The following BRD7 variants were observed in gnomAD, a reference collection of about 807,000 sequenced individuals.
The protein encoded by BRD7 is bromodomain containing 7, also known as bromodomain-containing protein 7.
A neutral mutation model predicts 82.1 loss-of-function variants in BRD7; 15 were observed. That is an observed-to-expected ratio of 0.18 (90% CI 0.12 to 0.28). BRD7 has a LOEUF of 0.28. Among genes scored for constraint, BRD7 ranks in the 10% least tolerant of loss-of-function variants. BRD7 has a pLI of 1.00. For synonymous variants in BRD7, 232 were observed against 266.9 expected (o/e 0.87, Z 1.27); for missense variants, 638 against 779.9 (o/e 0.82, Z 2.17).
chr16:50,368,464 G>A (rs2039239470), intron 1 of BRD7, 166 bp from the exon 2 acceptor site: 1 of 851,160 alleles, frequency 1.2e-6, no homozygotes. Flanking sequence ...GTGCGGCGGC[G>A]CCGCCCGCCC....
chr16:50,318,323 T>C lies in BRD7; in HGVS notation c.*888A>G, dbSNP rs1229445559. The C allele has an allele frequency of 1.3e-5, 2 of 152,228 alleles. No homozygotes were observed. Among genetic ancestry groups the C allele is most frequent in the Non-Finnish European group, 2.9e-5 (2 of 68,046 alleles). 9.4% of individuals were successfully genotyped at this position (152,228 alleles called of 1,614,324 possible). A position where few individuals can be genotyped will look rare whatever the true frequency, so the allele number is the denominator to read the frequency against. The stretch of plus-strand genomic sequence containing the variant: ...TTCAAAGTCAGGAAAATAATAGAAA[T>C]CAAATGGCTTCCTGCCTGGGTGATT... On this transcript the variant is annotated 3_prime_UTR_variant, in exon 17 of 17. Coordinates refer to ENST00000394688, the MANE Select transcript of BRD7 (RefSeq NM_013263.5).
intron 5 of BRD7, among the ~76,000 whole-genome samples, chr16:50,343,223 T>C (rs879520655): frequency 5.9e-5 from 9 of 152,206 alleles, no homozygotes; most frequent in Non-Finnish European, 1.2e-4. Context: ...TAATCCCCAA[T>C]GTTGGGGGAA....
At chr16:50,349,910 G>C in intron 5 of BRD7, 113 bp downstream of exon 5, 1 of 1,047,998 alleles carries the variant, frequency 9.5e-7, no homozygotes, top group Non-Finnish European at 1.3e-6. Context: ...AAAGATACTG[G>C]ATCTTAAAAT....
In BRD7 at chr16:50,326,389, G is replaced by C; in HGVS notation, c.1090C>G (p.Pro364Ala). 1 of 1,573,962 alleles carries C rather than the reference G, an allele frequency of 6.4e-7. No homozygotes were observed. Among genetic ancestry groups the C allele is most frequent in the Non-Finnish European group, 8.7e-7 (1 of 1,154,860 alleles). The change falls in exon 10 of 17, where the codon CCA becomes GCA. Residue 364 changes from proline to alanine, a missense_variant and splice_region_variant. Physicochemically the swap from Pro to Ala is conservative, Grantham distance 27. Coordinates refer to ENST00000394688, the MANE Select transcript of BRD7 (RefSeq NM_013263.5). ...LHPVDPIVGE[P>A]GYCPVRLGMT... is the part of the protein sequence containing the mutation. ...CCCAGTCTCACAGGGCAGTAGCCTG[G>C]CTCTACAACATAAAACAGAGCACAG...
chr16:50,345,227 T>C (rs1396599035), intron 5 of BRD7, among the ~76,000 whole-genome samples: 2 of 152,240 alleles, frequency 1.3e-5, no homozygotes, highest in Non-Finnish European at 2.9e-5. Context: ...CTGACAGATT[T>C]TGTCATCACC....
intron 8 of BRD7, 87 bp downstream of exon 8, chr16:50,333,487 T>C: frequency 6.5e-7 from 1 of 1,535,480 alleles, no homozygotes; most frequent in Non-Finnish European, 8.8e-7. Context: ...CAGATATGGA[T>C]TAAAAATACG....
chr16:50,351,822 C>T (rs956666516), intron 4 of BRD7, among the ~76,000 whole-genome samples: 14 of 138,230 alleles, frequency 1.0e-4, no homozygotes, highest in African/African-American at 3.0e-4. Flanking sequence ...AAGGATACTT[C>T]GGTGTATCCT....
At position 50,333,705 on chromosome 16, in the gene BRD7, T is replaced by C. The variant is rs1411063075; in HGVS notation, c.888-8A>G. Reference sequence around the variant, plus strand: ...AGCATATCTTTGTCTTTCCTGAAAATATACATTAATACTAAGTAAAAAAAA... The same window carrying C: ...AGCATATCTTTGTCTTTCCTGAAAACATACATTAATACTAAGTAAAAAAAA... On this transcript the variant is annotated splice_region_variant and splice_polypyrimidine_tract_variant and intron_variant, in intron 7 of 16. Transcript: ENST00000394688. The C allele has an allele frequency of 6.7e-7, 1 of 1,500,854 alleles. No individual in the cohort carries two copies. The highest frequency in any genetic ancestry group is 1.9e-5 in the Admixed American group (1 of 51,508). 93.0% of individuals were successfully genotyped at this position (1,500,854 alleles called of 1,614,324 possible). A position where few individuals can be genotyped will look rare whatever the true frequency, so the allele number is the denominator to read the frequency against.
chr16:50,364,771 T>C (rs189819439), intron 2 of BRD7, among the ~76,000 whole-genome samples: 10 of 152,300 alleles, frequency 6.6e-5, no homozygotes, highest in Admixed American at 1.3e-4. Context: ...TTAAAAGTAA[T>C]AATCATAAGT....
chr16:50,361,123 T>C (rs2038918627), intron 2 of BRD7, among the ~76,000 whole-genome samples: 1 of 152,208 alleles, frequency 6.6e-6, no homozygotes. Flanking sequence ...GAATTATTTC[T>C]AAGGATCAAA....
At chr16:50,322,651 A>G (rs1433923151) in intron 12 of BRD7, among the ~76,000 whole-genome samples, 3 of 152,214 alleles carry the variant, frequency 2.0e-5, no homozygotes, top group African/African-American at 7.2e-5. Context: ...AAATTCTGAG[A>G]AGAGGAACTG....
chr16:50,368,218 G>A lies in BRD7; in HGVS notation c.130C>T (p.His44Tyr). ...TTGTCTTCGAAGAGGCTGGAGTCGT[G>A]CCCCGAGCTGCCCGTGGAGAGTTCG... ...VTELSTGSSGHDSSLFEDKND... is the reference protein window; with the variant it reads ...VTELSTGSSGYDSSLFEDKND... The change falls in exon 2 of 17, where the codon CAC becomes TAC. Residue 44 changes from histidine to tyrosine, a missense_variant. Physicochemically the swap from His to Tyr is moderately conservative, Grantham distance 83. Around this residue, in one of 3 missense-constraint regions of BRD7, gnomAD observed 172 missense variants for 155.3 expected, o/e 1.11. Transcript: ENST00000394688. The A allele has an allele frequency of 6.2e-7, 1 of 1,614,190 alleles. No individual in the cohort carries two copies. The highest frequency in any genetic ancestry group is 1.3e-5 in the African/African-American group (1 of 75,032).
At position 50,318,980 on chromosome 16, in the gene BRD7, T is replaced by G. The variant is rs2036947746; in HGVS notation, c.*231A>C. 1 of 455,930 alleles carries G rather than the reference T, an allele frequency of 2.2e-6. No individual in the cohort carries two copies. The highest frequency in any genetic ancestry group is 4.1e-5 in the Admixed American group (1 of 24,288). The allele number at this position is 455,930 out of a possible 1,614,324, so 28.2% of individuals were successfully genotyped here. On this transcript the variant is annotated 3_prime_UTR_variant, in exon 17 of 17. Coordinates refer to ENST00000394688, the MANE Select transcript of BRD7 (RefSeq NM_013263.5). ...GGAAGAAGCATTGGAAGGCACTATT[T>G]TGAAAGAATGCTGCACAGGTATGGC...
At chr16:50,354,381 C>T (rs764493220) in intron 4 of BRD7, 44 bp downstream of exon 4, 1 of 1,501,894 alleles carries the variant, frequency 6.7e-7, no homozygotes, top group South Asian at 1.2e-5. Flanking sequence ...TACACATCTA[C>T]CATTTTAATT....
chr16:50,324,244 C>T (rs570717761), intron 11 of BRD7, among the ~76,000 whole-genome samples: 2 of 152,224 alleles, frequency 1.3e-5, no homozygotes, highest in East Asian at 3.9e-4. Context: ...CTCTCACATC[C>T]CACTTCAATC....
At chr16:50,340,193 C>G (rs1172393076) in intron 5 of BRD7, 107 bp from the exon 6 acceptor site, 6 of 540,902 alleles carry the variant, frequency 1.1e-5, no homozygotes, top group Non-Finnish European at 2.0e-5. Context: ...AAGCAACATC[C>G]CTTTCTTTAT....
Position 50,368,797 on chromosome 16 carries a change from G to T in BRD7, c.-23C>A. The stretch of plus-strand genomic sequence containing the variant: ...CATGTCCGACCGGGCCCCGGTGCCC[G>T]CCCCCCGCGCCAGGCCCAGGCCGTG... On this transcript the variant is annotated 5_prime_UTR_variant, in exon 1 of 17. Coordinates refer to ENST00000394688, the MANE Select transcript of BRD7 (RefSeq NM_013263.5). 6.6e-7 allele frequency: 1 copy of T among 1,513,510 alleles called. No individual in the cohort carries two copies. The highest frequency in any genetic ancestry group is 2.0e-5 in the Admixed American group (1 of 49,244). The allele number at this position is 1,513,510 out of a possible 1,614,324, so 93.8% of individuals were successfully genotyped here. A position where few individuals can be genotyped will look rare whatever the true frequency, so the allele number is the denominator to read the frequency against.
rs919888779 is a variant in BRD7 at position 50,318,011 on chromosome 16, G to A, written c.*1200C>T. On this transcript the variant is annotated 3_prime_UTR_variant, in exon 17 of 17. Transcript: ENST00000394688. ...GAGGTGGTGCATGCAAGTAACTAGG[G>A]TTTATTCTATATAATGAATATTTAT... 4 of 152,260 alleles carry A rather than the reference G, an allele frequency of 2.6e-5. No individual in the cohort carries two copies. Among genetic ancestry groups the A allele is most frequent in the Admixed American group, 2.6e-4 (4 of 15,276 alleles). 9.4% of individuals were successfully genotyped at this position (152,260 alleles called of 1,614,324 possible). A position where few individuals can be genotyped will look rare whatever the true frequency, so the allele number is the denominator to read the frequency against.
chr16:50,362,155 G>C (rs2038958257), intron 2 of BRD7, among the ~76,000 whole-genome samples: 1 of 152,128 alleles, frequency 6.6e-6, no homozygotes, highest in African/African-American at 2.4e-5. Context: ...CTCAAATGCT[G>C]CTTCTTGAGA....
Sources: gnomAD v4.1 joint callset for allele counts (sites outside exome capture counted in the v4.1 genomes callset) on GRCh38, gnomAD v4.1.1 for gene constraint, gnomAD v4.1.1 regional missense constraint, MANE v1.5 for transcripts, NCBI Gene and HGNC (gene_info 2026-07-23, HGNC 2026-07-21) for gene names.